AMD1: variants seen among roughly 807,000 people sequenced by gnomAD.
The protein encoded by AMD1 is adenosylmethionine decarboxylase 1, also known as S-adenosylmethionine decarboxylase proenzyme.
AMD1 carries 11 observed loss-of-function variants against 40.2 expected under a neutral mutation model. The ratio of observed to expected loss-of-function variants is 0.27; its 90% CI spans 0.17 to 0.45. AMD1 has a LOEUF of 0.45. Ranked by LOEUF, AMD1 falls within the 20% of genes least tolerant of loss-of-function variation. The pLI is 1.00. For synonymous variants in AMD1, 121 were observed against 130.8 expected (o/e 0.93, Z 0.51); for missense variants, 257 against 410.2 (o/e 0.63, Z 3.23).
At chr6:110,883,879 C>T (rs1562337120) in intron 1 of AMD1, among the ~76,000 whole-genome samples, 1 of 152,190 alleles carries the variant, frequency 6.6e-6, no homozygotes, top group Non-Finnish European at 1.5e-5. Context: ...GCGTGAGCCA[C>T]TGCGCCCGGC....
the AMD1 span, chr6:110,815,191 T>C: frequency 3.5e-6 from 5 of 1,413,798 alleles, no homozygotes; most frequent in East Asian, 3.2e-5. Flanking sequence ...GCTCAGTCCC[T>C]CCTCCTCCTC....
intron 1 of AMD1, among the ~76,000 whole-genome samples, chr6:110,876,632 G>C (rs532690135): frequency 6.6e-6 from 1 of 151,586 alleles, no homozygotes; most frequent in Admixed American, 6.6e-5. Flanking sequence ...TTCAAGCTTC[G>C]TGTGACACTT....
Position 110,890,312 on chromosome 6 carries a change from G to A in AMD1, c.383G>A (p.Arg128Gln), listed in dbSNP as rs1049701. 3.1e-6 allele frequency: 5 copies of A among 1,598,552 alleles called. No homozygotes were observed. The highest frequency in any genetic ancestry group is 4.3e-6 in the Non-Finnish European group (5 of 1,176,388). The stretch of plus-strand genomic sequence containing the variant: ...CCTTCTCACCAAGGGTACCCACACC[G>A]GAATTTCCAGGAAGAAATAGAGTTT... The part of the protein sequence containing the change: ...MKPSHQGYPH[R>Q]NFQEEIEFLN... The change falls in exon 4 of 9, where the codon CGG (arginine) becomes CAG (glutamine). Residue 128 changes from arginine (R) to glutamine (Q), a missense_variant. Around this residue, in one of 3 missense-constraint regions of AMD1, gnomAD observed 192 missense variants for 296.5 expected, o/e 0.65. Transcript: ENST00000368885.
At chr6:110,875,788 A>G (rs1489146235) in intron 1 of AMD1, among the ~76,000 whole-genome samples, 1 of 151,400 alleles carries the variant, frequency 6.6e-6, no homozygotes, top group African/African-American at 2.4e-5. Context: ...GGCCGCGGGC[A>G]GCATGTGGCG....
the AMD1 span, chr6:110,848,541 A>G: frequency 2.9e-6 from 1 of 344,546 alleles, no homozygotes; most frequent in Admixed American, 4.3e-5. Flanking sequence ...CAACAACAAC[A>G]AAACTGCACT....
At chr6:110,875,591 T>A (rs907930219) in intron 1 of AMD1, 7 of 169,702 alleles carry the variant, frequency 4.1e-5, no homozygotes, top group Non-Finnish European at 8.7e-5. Context: ...CAGGTGGGGG[T>A]CGGGGGCGCC....
chr6:110,844,979 G>A, the AMD1 span, among the ~76,000 whole-genome samples: 3 of 150,782 alleles, frequency 2.0e-5, no homozygotes, highest in Admixed American at 6.6e-5. Flanking sequence ...ATCACATGGA[G>A]AGAGAGAGAG....
At chr6:110,879,114 A>C (rs557541265) in intron 1 of AMD1, among the ~76,000 whole-genome samples, 13 of 152,198 alleles carry the variant, frequency 8.5e-5, no homozygotes, top group African/African-American at 3.1e-4. Context: ...TAATCCCAGC[A>C]CTCTGAGAGA....
chr6:110,819,217 C>T, the AMD1 span, among the ~76,000 whole-genome samples: 2 of 152,056 alleles, frequency 1.3e-5, no homozygotes, highest in Non-Finnish European at 2.9e-5. Flanking sequence ...ATGAGCCGGG[C>T]GTGGTGGCGC....
the AMD1 span, among the ~76,000 whole-genome samples, chr6:110,866,939 G>A: frequency 1.4e-4 from 21 of 151,082 alleles, no homozygotes; most frequent in Admixed American, 1.2e-3. Context: ...TCAGCCTCCC[G>A]AGTAGCTGGG....
chr6:110,869,031 C>A, the AMD1 span, among the ~76,000 whole-genome samples: 11 of 151,344 alleles, frequency 7.3e-5, no homozygotes, highest in African/African-American at 2.2e-4. Flanking sequence ...TGCACTCCAG[C>A]CTGGGCAATA....
chr6:110,834,818 G>T, the AMD1 span, among the ~76,000 whole-genome samples: 2 of 151,428 alleles, frequency 1.3e-5, no homozygotes, highest in African/African-American at 4.8e-5. Context: ...GTGTGGTGGT[G>T]CATGCCTGTA....
rs112942780 is a variant in AMD1 at position 110,874,827 on chromosome 6, A to G, written c.-279A>G. 1.1e-4 allele frequency: 40 copies of G among 357,058 alleles called. No individual in the cohort carries two copies. Among genetic ancestry groups the G allele is most frequent in the Non-Finnish European group, 1.8e-4 (35 of 193,984 alleles). 22.1% of individuals were successfully genotyped at this position (357,058 alleles called of 1,614,324 possible). A position where few individuals can be genotyped will look rare whatever the true frequency, so the allele number is the denominator to read the frequency against. On this transcript the variant is annotated 5_prime_UTR_variant, in exon 1 of 9. Transcript: ENST00000368885. ...GGCGACATTAGCTAGCGCTCGCTCT[A>G]CTCTCTCTAACGGGAAAGCAGCGGA...
chr6:110,841,103 T>A, the AMD1 span, among the ~76,000 whole-genome samples: 2 of 152,146 alleles, frequency 1.3e-5, no homozygotes, highest in Admixed American at 6.6e-5. Flanking sequence ...AACCTCCACC[T>A]CCTGGGTTCA....
chr6:110,829,329 C>T, the AMD1 span, among the ~76,000 whole-genome samples: 6 of 148,736 alleles, frequency 4.0e-5, no homozygotes, highest in Non-Finnish European at 5.9e-5. Context: ...CCCAGGACTT[C>T]GAGAACAGCC....
the AMD1 span, among the ~76,000 whole-genome samples, chr6:110,821,054 G>A: frequency 6.6e-6 from 1 of 152,206 alleles, no homozygotes; most frequent in Non-Finnish European, 1.5e-5. Flanking sequence ...AATCTTCGCT[G>A]GTTAATGAAA....
the AMD1 span, among the ~76,000 whole-genome samples, chr6:110,862,140 C>G: frequency 6.6e-6 from 1 of 150,722 alleles, no homozygotes; most frequent in African/African-American, 2.4e-5. Context: ...CCAGGAGTAG[C>G]TGAGACTACA....
At chr6:110,863,155 C>T in the AMD1 span, among the ~76,000 whole-genome samples, 3 of 151,802 alleles carry the variant, frequency 2.0e-5, no homozygotes, top group African/African-American at 7.2e-5. Flanking sequence ...CTATGTTAGC[C>T]AGGATGATCT....
intron 1 of AMD1, among the ~76,000 whole-genome samples, chr6:110,886,552 G>A (rs1183595013): frequency 2.6e-5 from 4 of 152,084 alleles, no homozygotes; most frequent in Admixed American, 6.6e-5. Flanking sequence ...GTGATCCACC[G>A]CCTTGGCCTC....
Sources: allele counts gnomAD v4.1 joint callset (sites outside exome capture counted in the v4.1 genomes callset), GRCh38; gene constraint gnomAD v4.1.1; regional missense constraint gnomAD v4.1.1; transcripts MANE v1.5; gene names NCBI Gene and HGNC (gene_info 2026-07-23, HGNC 2026-07-21).